Variants in MED13 observed in about 807,000 individuals in gnomAD.
MED13 encodes mediator of RNA polymerase II transcription subunit 13.
A neutral mutation model predicts 225.2 loss-of-function variants in MED13; 23 were observed. That is an observed-to-expected ratio of 0.10 (90% CI 0.07 to 0.14). The LOEUF is 0.14. MED13 is among the 10% of genes least tolerant of loss of function. The pLI is 1.00. For synonymous variants in MED13, 942 were observed against 889.2 expected (o/e 1.06, Z -1.06); for missense variants, 2,197 against 2,594.5 (o/e 0.85, Z 3.33).
In MED13 at chr17:61,946,626, T is replaced by A. The variant is rs1367204639; in HGVS notation, c.6393-26A>T. ...CTGAAAAGCAAATAAACTGCATAAG[T>A]CATTTATTTATTTCCAACCTAGATT... On this transcript the variant is annotated intron_variant, in intron 29 of 29. Transcript: ENST00000397786. The A allele has an allele frequency of 2.5e-6, 4 of 1,602,064 alleles. No individual in the cohort carries two copies. In the South Asian group the frequency reaches 4.5e-5, roughly 18 times the overall value.
At chr17:61,973,966 A>C (rs1322267835) in intron 16 of MED13, among the ~76,000 whole-genome samples, 1 of 152,152 alleles carries the variant, frequency 6.6e-6, no homozygotes, top group Non-Finnish European at 1.5e-5. Flanking sequence ...TTGGGTGACA[A>C]AGTGAGAGCC....
At chr17:61,971,653 G>A (rs1038774378) in intron 17 of MED13, among the ~76,000 whole-genome samples, 1 of 152,120 alleles carries the variant, frequency 6.6e-6, no homozygotes, top group African/African-American at 2.4e-5. Context: ...ATATTTTCTG[G>A]CCGGGCACAG....
Position 61,968,196 on chromosome 17 carries a change from A to G in MED13, c.4030T>C (p.Tyr1344His). ...PTFLLGYDYD[Y>H]LVLSPFALPY... ...AGAGCAAATGGAGAAAGCACCAGAT[A>G]ATCATAATCATAACCCAACAAAAAT... Residue 1344 changes from tyrosine (Y) to histidine (H), a missense_variant, in exon 18 of 30, where the codon TAT becomes CAT. By Grantham distance (83) the Tyr-to-His change is moderately conservative. Coordinates refer to ENST00000397786, the MANE Select transcript of MED13 (RefSeq NM_005121.3). 1 of 1,614,118 alleles carries G rather than the reference A, an allele frequency of 6.2e-7. No individual in the cohort carries two copies. The highest frequency in any genetic ancestry group is 8.5e-7 in the Non-Finnish European group (1 of 1,179,978).
At chr17:62,011,563 G>A (rs1339437331) in intron 8 of MED13, among the ~76,000 whole-genome samples, 1 of 152,098 alleles carries the variant, frequency 6.6e-6, no homozygotes, top group African/African-American at 2.4e-5. Flanking sequence ...AGGTTAAAAG[G>A]TATAACAAGG....
At chr17:61,981,436 A>G (rs1025445695) in intron 16 of MED13, among the ~76,000 whole-genome samples, 3 of 150,636 alleles carry the variant, frequency 2.0e-5, no homozygotes, top group Non-Finnish European at 4.4e-5. Context: ...CATGGTCTAT[A>G]AGACTCTAAA....
rs1398081380 is a variant in MED13, at chr17:62,035,493, G to A, written c.586C>T (p.Leu196Phe). The change falls in exon 4 of 30, where the codon CTT (leucine) becomes TTT (phenylalanine). Residue 196 changes from leucine to phenylalanine, a missense_variant. Leu to Phe is a conservative substitution (Grantham distance 22). Around this residue, in one of 12 missense-constraint regions of MED13, gnomAD observed 884 missense variants for 918.5 expected, o/e 0.96. Transcript: ENST00000397786. The stretch of plus-strand genomic sequence containing the variant: ...AATGGGCTATTAGACTGTTGAGCAA[G>A]GGTGATATGCTCTTCACTGAGAAGG... ...VYLLSEEHIT[L>F]AQQSNSPFQV... is the part of the protein sequence containing the mutation. 1.2e-6 allele frequency: 2 copies of A among 1,612,654 alleles called. No homozygotes were observed. The highest frequency in any genetic ancestry group is 1.1e-5 in the South Asian group (1 of 90,878).
At chr17:62,013,011 T>G (rs992390127) in intron 8 of MED13, among the ~76,000 whole-genome samples, 2 of 151,628 alleles carry the variant, frequency 1.3e-5, no homozygotes, top group African/African-American at 4.8e-5. Context: ...CAGGATAGTC[T>G]CGATCTCTTG....
chr17:61,985,827 T>C (rs867787642), intron 12 of MED13, among the ~76,000 whole-genome samples: 4 of 152,300 alleles, frequency 2.6e-5, no homozygotes, highest in Middle Eastern at 3.4e-3. Flanking sequence ...CTATCTAAAT[T>C]CTTATTTATA....
At chr17:61,979,531 A>T (rs1603396123) in intron 16 of MED13, among the ~76,000 whole-genome samples, 1 of 151,302 alleles carries the variant, frequency 6.6e-6, no homozygotes, top group Non-Finnish European at 1.5e-5. Context: ...CTGGTCTTGA[A>T]CTCCTGGGCT....
chr17:61,960,073 C>T (rs936814706), intron 23 of MED13, among the ~76,000 whole-genome samples: 6 of 152,108 alleles, frequency 3.9e-5, no homozygotes, highest in East Asian at 1.9e-4. Context: ...ATTTGCTTTT[C>T]AGGTTCTCCT....
chr17:61,955,154 A>G (rs1313577256), intron 26 of MED13, among the ~76,000 whole-genome samples: 2 of 151,986 alleles, frequency 1.3e-5, no homozygotes, highest in Non-Finnish European at 2.9e-5. Context: ...CTTCTCTTCT[A>G]TGTAGTCAAA....
chr17:62,004,897 CTTTT>C (rs551492644), intron 9 of MED13: 40 of 128,514 alleles, frequency 3.1e-4, no homozygotes, highest in East Asian at 4.8e-4. Context: ...ACATCATTTA[CTTTT>C]TTTTTTTTTT....
At position 62,048,043 on chromosome 17, in the gene MED13, C is replaced by CATATACATATACAT. The variant is rs776069700; in HGVS notation, c.470+4493_470+4494insATGTATATGTATAT. Among the ~76,000 whole-genome samples the CATATACATATACAT allele has an allele frequency of 4.5e-3, 591 of 131,060 alleles. 6 individuals are homozygous for CATATACATATACAT. Among genetic ancestry groups the CATATACATATACAT allele is most frequent in the African/African-American group, 0.014 (504 of 35,764 alleles). The allele number at this position is 131,060 out of a possible 152,430, so 86.0% of individuals were successfully genotyped here. On this transcript the variant is annotated intron_variant, in intron 3 of 29. Coordinates refer to ENST00000397786, the MANE Select transcript of MED13 (RefSeq NM_005121.3). ...ATATATACATATACATATACATATA[C>CATATACATATACAT]ATATATATATATATATATATGTATA...
intron 16 of MED13, among the ~76,000 whole-genome samples, chr17:61,974,698 A>G (rs376200219): frequency 6.6e-6 from 1 of 152,202 alleles, no homozygotes; most frequent in South Asian, 2.1e-4. Flanking sequence ...ATTTTTCCAT[A>G]GATGATTCTG....
At position 61,943,389 on chromosome 17, in the gene MED13, CAT is replaced by C. The variant is rs1007467817; in HGVS notation, c.*3077_*3078del. The stretch of plus-strand genomic sequence containing the variant: ...TAGTATTCTGATATTACAGTATTAA[CAT>C]AGTGCTTGATTAAAGATCTGCAAAT... On this transcript the variant is annotated 3_prime_UTR_variant, in exon 30 of 30. Coordinates refer to ENST00000397786, the MANE Select transcript of MED13 (RefSeq NM_005121.3). 3.9e-5 allele frequency: 6 copies of C among 152,618 alleles called. No individual in the cohort carries two copies. The highest frequency in any genetic ancestry group is 7.4e-5 in the Non-Finnish European group (5 of 67,976). The allele number at this position is 152,618 out of a possible 1,614,324, so 9.5% of individuals were successfully genotyped here. A position where few individuals can be genotyped will look rare whatever the true frequency, so the allele number is the denominator to read the frequency against.
chr17:61,962,818 T>C lies in MED13; in HGVS notation c.4998A>G (p.Leu1666=), dbSNP rs748379872. The part of the protein sequence containing the change: ...TNSSSVWTLG[L]LRCFLEMVQT... ...GGACCATTTCTAGAAAGCATCGAAGTAGCCCCAATGTCCACACACTAGAAG... is the reference window on the plus strand; with the variant it reads ...GGACCATTTCTAGAAAGCATCGAAGCAGCCCCAATGTCCACACACTAGAAG... The change falls in exon 21 of 30, where the codon CTA becomes CTG. Residue 1666 remains leucine (L), a synonymous_variant. Coordinates refer to ENST00000397786, the MANE Select transcript of MED13 (RefSeq NM_005121.3). 1.9e-5 allele frequency: 30 copies of C among 1,614,046 alleles called. No individual in the cohort carries two copies. The highest frequency in any genetic ancestry group is 1.3e-5 in the Non-Finnish European group (15 of 1,180,030).
chr17:61,997,656 T>TG (rs1475620127), intron 9 of MED13, among the ~76,000 whole-genome samples: 3 of 152,280 alleles, frequency 2.0e-5, no homozygotes, highest in Middle Eastern at 3.4e-3. Flanking sequence ...GGTCACATAG[T>TG]GGCAAAGTCA....
intron 8 of MED13, among the ~76,000 whole-genome samples, chr17:62,014,860 T>C (rs1324239108): frequency 1.3e-5 from 2 of 152,320 alleles, no homozygotes; most frequent in Admixed American, 1.3e-4. Context: ...TAAATTTAAA[T>C]AGCCAATAGT....
In MED13 at chr17:62,063,063, T is replaced by C. The variant is rs1375489081; in HGVS notation, c.301+4A>G. The C allele has an allele frequency of 1.2e-6, 2 of 1,607,328 alleles. No homozygotes were observed. The highest frequency in any genetic ancestry group is 1.7e-6 in the Non-Finnish European group (2 of 1,174,386). ...ATTAGTTAGAAATGGAAAGTTTCTT[T>C]CACCTGATAAGTCATGGTGAATAAG... On this transcript the variant is annotated splice_donor_region_variant and intron_variant, in intron 2 of 29. Coordinates refer to ENST00000397786, the MANE Select transcript of MED13 (RefSeq NM_005121.3).
Sources: gnomAD v4.1 joint callset for allele counts (sites outside exome capture counted in the v4.1 genomes callset) on GRCh38, gnomAD v4.1.1 for gene constraint, gnomAD v4.1.1 regional missense constraint, MANE v1.5 for transcripts, NCBI Gene and HGNC (gene_info 2026-07-23, HGNC 2026-07-21) for gene names.